The following MMS22L variants were observed in gnomAD, a reference collection of about 807,000 sequenced individuals.
MMS22L encodes the protein protein MMS22-like.
In MMS22L, 74 loss-of-function variants were observed where a neutral mutation model predicts 159.1. That is an observed-to-expected ratio of 0.47 (90% CI 0.39 to 0.56). The LOEUF (loss-of-function observed/expected upper bound fraction) is 0.56. MMS22L is among the 20% of genes least tolerant of loss of function. The pLI is 0.00. For synonymous variants in MMS22L, 517 were observed against 506.9 expected, an observed-to-expected ratio of 1.02 and a Z score of -0.27; for missense variants, 1,351 against 1,422.1, an observed-to-expected ratio of 0.95 and a Z score of 0.80.
chr6:97,212,400 A>C (rs1451932324), intron 14 of MMS22L, among the ~76,000 whole-genome samples: 1 of 152,188 alleles, frequency 6.6e-6, no homozygotes, highest in Non-Finnish European at 1.5e-5. Flanking sequence ...CTTTTCATGG[A>C]ATACCTATCA....
intron 3 of MMS22L, among the ~76,000 whole-genome samples, chr6:97,279,179 A>G (rs1816515303): frequency 6.6e-6 from 1 of 152,228 alleles, no homozygotes; most frequent in South Asian, 2.1e-4. Flanking sequence ...TCAGCAAGAT[A>G]CTGTTTATAT....
intron 11 of MMS22L, among the ~76,000 whole-genome samples, chr6:97,241,186 A>T (rs895423751): frequency 6.6e-6 from 1 of 152,174 alleles, no homozygotes; most frequent in African/African-American, 2.4e-5. Context: ...TATATATAAG[A>T]AGTTTTCTCT....
chr6:97,213,639 C>T lies in MMS22L; in HGVS notation c.2039+15255G>A, dbSNP rs1374499230. Among the ~76,000 whole-genome samples the T allele has an allele frequency of 3.9e-5, 6 of 152,216 alleles. No individual in the cohort carries two copies. In the South Asian group the frequency reaches 1.2e-3, roughly 32 times the overall value. ...ACTACATATAATTCTGTATTATTTA[C>T]ATTCTTTGCAAGATACATAAATTTG... On this transcript the variant is annotated intron_variant, in intron 14 of 24. Transcript: ENST00000683635.
chr6:97,263,185 T>C (rs2128076351), intron 9 of MMS22L, 150 bp downstream of exon 9: 2 of 539,486 alleles, frequency 3.7e-6, no homozygotes, highest in East Asian at 3.5e-5. Flanking sequence ...AAAAATAAAG[T>C]AGATATTCAG....
At chr6:97,170,661 C>G (rs1254334297) in intron 19 of MMS22L, among the ~76,000 whole-genome samples, 1 of 151,678 alleles carries the variant, frequency 6.6e-6, no homozygotes, top group Non-Finnish European at 1.5e-5. Context: ...ATTGGGATCA[C>G]TACAATATAC....
chr6:97,204,955 T>G (rs1807612474), intron 14 of MMS22L, among the ~76,000 whole-genome samples: 1 of 135,880 alleles, frequency 7.4e-6, no homozygotes. Context: ...TTTTTTTTTT[T>G]TTTTTTGAGA....
chr6:97,249,597 C>T (rs1197776452), intron 10 of MMS22L, among the ~76,000 whole-genome samples: 2 of 152,094 alleles, frequency 1.3e-5, no homozygotes, highest in Non-Finnish European at 2.9e-5. Flanking sequence ...AAAATTTCCC[C>T]ATTTCACAGA....
intron 10 of MMS22L, among the ~76,000 whole-genome samples, chr6:97,253,115 G>A (rs1009367722): frequency 1.4e-4 from 22 of 152,132 alleles, no homozygotes; most frequent in Non-Finnish European, 2.4e-4. Flanking sequence ...ATACTGGGCC[G>A]TGTGTGAACT....
At chr6:97,229,701 C>T (rs1309951477) in intron 13 of MMS22L, among the ~76,000 whole-genome samples, 1 of 152,100 alleles carries the variant, frequency 6.6e-6, no homozygotes, top group Admixed American at 6.6e-5. Flanking sequence ...TCAAGTCCCC[C>T]ATCACCTTTC....
At chr6:97,186,410 C>G in intron 15 of MMS22L, 87 bp downstream of exon 15, 2 of 1,104,642 alleles carry the variant, frequency 1.8e-6, no homozygotes, top group East Asian at 5.6e-5. Context: ...GTTTGCTATA[C>G]AAGAGTTTGT....
At chr6:97,168,031 A>T (rs1562409732) in intron 20 of MMS22L, 40 bp downstream of exon 20, 1 of 1,390,078 alleles carries the variant, frequency 7.2e-7, no homozygotes. Flanking sequence ...AAGTTTCAAT[A>T]TTTTTTTTTT....
chr6:97,232,634 C>A (rs1810986366), intron 12 of MMS22L, among the ~76,000 whole-genome samples: 1 of 152,036 alleles, frequency 6.6e-6, no homozygotes. Context: ...TAATTTGATA[C>A]CTTTCCTGCT....
chr6:97,208,278 T>C (rs1442186548), intron 14 of MMS22L, among the ~76,000 whole-genome samples: 1 of 152,130 alleles, frequency 6.6e-6, no homozygotes, highest in Non-Finnish European at 1.5e-5. Context: ...TCCTACCTAG[T>C]TTCCTTGCTT....
chr6:97,208,912 C>T (rs1460837266), intron 14 of MMS22L, among the ~76,000 whole-genome samples: 1 of 152,032 alleles, frequency 6.6e-6, no homozygotes, highest in Non-Finnish European at 1.5e-5. Flanking sequence ...TTTAACCCGT[C>T]CCAACTTCCA....
At chr6:97,195,889 C>T (rs1420078725) in intron 14 of MMS22L, among the ~76,000 whole-genome samples, 6 of 152,120 alleles carry the variant, frequency 3.9e-5, no homozygotes, top group Admixed American at 3.9e-4. Flanking sequence ...AAAAAGCCAA[C>T]ACTAATTATT....
chr6:97,267,153 G>C (rs887586496), intron 8 of MMS22L: 1 of 151,906 alleles, frequency 6.6e-6, no homozygotes, highest in Non-Finnish European at 1.5e-5. Context: ...TATCATATCT[G>C]GTTAATCCAC....
Position 97,210,939 on chromosome 6 carries a change from C to G in MMS22L, c.2039+17955G>C, listed in dbSNP as rs112959990. The stretch of plus-strand genomic sequence containing the variant: ...ATTTTGTATCAAATTAATGGTCCAA[C>G]CATTTCAGAATTTAAAAAGGAATGA... On this transcript the variant is annotated intron_variant, in intron 14 of 24. Transcript: ENST00000683635. 2.8e-3 allele frequency among the ~76,000 whole-genome samples: 430 copies of G among 151,950 alleles called. 6 individuals are homozygous for G. The highest frequency in any genetic ancestry group is 9.7e-3 in the African/African-American group (404 of 41,488).
At chr6:97,228,304 T>C (rs1810464870) in intron 14 of MMS22L, among the ~76,000 whole-genome samples, 1 of 152,216 alleles carries the variant, frequency 6.6e-6, no homozygotes, top group Non-Finnish European at 1.5e-5. Context: ...TTGACTTTAG[T>C]TCTGCATCTT....
chr6:97,232,761 T>A (rs1377658497), intron 12 of MMS22L, among the ~76,000 whole-genome samples: 1 of 152,126 alleles, frequency 6.6e-6, no homozygotes, highest in African/African-American at 2.4e-5. Flanking sequence ...TTTTTCTAAT[T>A]TTTTAATAAG....
Sources: gnomAD v4.1 joint callset for allele counts (sites outside exome capture counted in the v4.1 genomes callset) on GRCh38, gnomAD v4.1.1 for gene constraint, MANE v1.5 for transcripts, NCBI Gene and HGNC (gene_info 2026-07-23, HGNC 2026-07-21) for gene names.